The following CNKSR3 variants were observed in gnomAD, a reference collection of about 807,000 sequenced individuals.
The protein encoded by CNKSR3 is connector enhancer of kinase suppressor of ras 3.
CNKSR3 carries 36 observed loss-of-function variants against 67.7 expected under a neutral mutation model. The ratio of observed to expected loss-of-function variants is 0.53; its 90% CI spans 0.41 to 0.70. The LOEUF (loss-of-function observed/expected upper bound fraction) is 0.70, where lower values mean the gene tolerates loss of function less well. CNKSR3 is among the 30% of genes least tolerant of loss of function. The probability of loss-of-function intolerance (pLI) is 0.00; values close to 1 mark genes in which losing one functional copy is unlikely to be tolerated. For synonymous variants in CNKSR3, 281 were observed against 271.4 expected (o/e 1.04, Z -0.35); for missense variants, 630 against 695.2 (o/e 0.91, Z 1.05).
intron 2 of CNKSR3, among the ~76,000 whole-genome samples, chr6:154,443,520 T>C (rs56228662): frequency 0.084 from 12,755 of 151,906 alleles, 969 homozygotes; most frequent in East Asian, 0.2. Context: ...ACCGTGTTTG[T>C]GGCCTTCTTC....
At chr6:154,410,548 A>G (rs999515265) in intron 11 of CNKSR3, 116 bp from the exon 12 acceptor site, 1 of 655,850 alleles carries the variant, frequency 1.5e-6, no homozygotes, top group South Asian at 1.9e-5. Context: ...GACAGAAGCA[A>G]TAACAAATTT....
At chr6:154,471,324 G>C (rs1786326399) in intron 1 of CNKSR3, among the ~76,000 whole-genome samples, 1 of 152,126 alleles carries the variant, frequency 6.6e-6, no homozygotes, top group Non-Finnish European at 1.5e-5. Context: ...GATCGCTTGA[G>C]GTCAAGAGTT....
At chr6:154,462,434 G>C (rs1786100064) in intron 1 of CNKSR3, among the ~76,000 whole-genome samples, 1 of 152,146 alleles carries the variant, frequency 6.6e-6, no homozygotes, top group South Asian at 2.1e-4. Context: ...TTGTGTGATT[G>C]GCTTCTTTCA....
At chr6:154,450,052 A>C in intron 2 of CNKSR3, 43 bp downstream of exon 2, 1 of 1,574,402 alleles carries the variant, frequency 6.4e-7, no homozygotes, top group Non-Finnish European at 8.6e-7. Flanking sequence ...GCAAGGCTCT[A>C]AAGAACGTCA....
chr6:154,430,626 A>G (rs1381568164), intron 5 of CNKSR3, 35 bp from the exon 6 acceptor site: 1 of 1,583,472 alleles, frequency 6.3e-7, no homozygotes, highest in Admixed American at 1.9e-5. Context: ...AGGAAAGTTC[A>G]ATCATTAACC....
intron 12 of CNKSR3, among the ~76,000 whole-genome samples, chr6:154,407,963 G>A (rs927641233): frequency 6.7e-6 from 1 of 150,042 alleles, no homozygotes; most frequent in South Asian, 2.1e-4. Flanking sequence ...TTCTAATACG[G>A]CTATATTCTT....
In CNKSR3 at chr6:154,388,943, T is replaced by G. The variant is rs925204303; in HGVS notation, c.*17411A>C. 2.3e-4 allele frequency: 9 copies of G among 39,592 alleles called. No individual in the cohort carries two copies. Among genetic ancestry groups the G allele is most frequent in the African/African-American group, 1.1e-3 (9 of 8,208 alleles). The allele number at this position is 39,592 out of a possible 1,614,324, so 2.5% of individuals were successfully genotyped here. A position where few individuals can be genotyped will look rare whatever the true frequency, so the allele number is the denominator to read the frequency against. On this transcript the variant is annotated 3_prime_UTR_variant, in exon 13 of 13. Coordinates refer to ENST00000607772, the MANE Select transcript of CNKSR3 (RefSeq NM_173515.4). ...CCTTGGCCCATTTGTAAAAATTGGG[T>G]TTTTTTTTTTTTGCTATTGAGTTAT...
At chr6:154,494,727 C>T (rs1786844013) in intron 1 of CNKSR3, among the ~76,000 whole-genome samples, 1 of 152,044 alleles carries the variant, frequency 6.6e-6, no homozygotes, top group Non-Finnish European at 1.5e-5. Flanking sequence ...CAGCACCAAA[C>T]CTTGAAGAGC....
intron 1 of CNKSR3, among the ~76,000 whole-genome samples, chr6:154,465,034 G>T (rs1786165252): frequency 1.3e-5 from 2 of 151,738 alleles, no homozygotes; most frequent in South Asian, 4.2e-4. Flanking sequence ...CCAGCTACTC[G>T]GGAGGCTGAG....
At chr6:154,426,502 C>T (rs927548811) in intron 7 of CNKSR3, among the ~76,000 whole-genome samples, 2 of 152,040 alleles carry the variant, frequency 1.3e-5, no homozygotes, top group Admixed American at 1.3e-4. Context: ...ATTACAGATG[C>T]GTGCCACCAC....
chr6:154,436,712 T>C (rs773598300), intron 4 of CNKSR3, among the ~76,000 whole-genome samples: 43 of 152,068 alleles, frequency 2.8e-4, no homozygotes, highest in Admixed American at 7.9e-4. Flanking sequence ...GTGTCTCTCT[T>C]GCCGTCTCTA....
intron 1 of CNKSR3, among the ~76,000 whole-genome samples, chr6:154,486,616 C>T (rs1786672150): frequency 6.7e-6 from 1 of 150,250 alleles, no homozygotes; most frequent in Non-Finnish European, 1.5e-5. Context: ...CCTCAGCCTC[C>T]CAAGTAGCTG....
intron 1 of CNKSR3, among the ~76,000 whole-genome samples, chr6:154,472,240 A>T (rs1786345328): frequency 6.6e-6 from 1 of 152,174 alleles, no homozygotes; most frequent in Non-Finnish European, 1.5e-5. Flanking sequence ...CCAGCCCAAC[A>T]CACGTACTAT....
chr6:154,483,001 G>A (rs747762107), intron 1 of CNKSR3, among the ~76,000 whole-genome samples: 2 of 152,150 alleles, frequency 1.3e-5, no homozygotes, highest in Non-Finnish European at 2.9e-5. Flanking sequence ...TTCATTATCT[G>A]TTTCCTCCAA....
rs1370357949 is a variant in CNKSR3 at position 154,510,140 on chromosome 6, G to T, written c.-26C>A. 1.2e-6 allele frequency: 2 copies of T among 1,613,748 alleles called. No individual in the cohort carries two copies. The highest frequency in any genetic ancestry group is 1.7e-6 in the Non-Finnish European group (2 of 1,179,826). On this transcript the variant is annotated 5_prime_UTR_variant, in exon 1 of 13. Coordinates refer to ENST00000607772, the MANE Select transcript of CNKSR3 (RefSeq NM_173515.4). The stretch of plus-strand genomic sequence containing the variant: ...GGTAAACCGCTTCGCCTCTCGCTGG[G>T]CTGGAGAGTCGCAGATAAAGTGCTG...
intron 9 of CNKSR3, among the ~76,000 whole-genome samples, chr6:154,421,880 C>G (rs1434723401): frequency 6.6e-6 from 1 of 152,134 alleles, no homozygotes; most frequent in Non-Finnish European, 1.5e-5. Context: ...ATGAAAATGT[C>G]CGTATCCACA....
chr6:154,503,860 C>G (rs1445317096), intron 1 of CNKSR3, among the ~76,000 whole-genome samples: 2 of 152,168 alleles, frequency 1.3e-5, no homozygotes, highest in African/African-American at 4.8e-5. Context: ...AATAAAACAG[C>G]TGGAGTACAT....
At chr6:154,479,474 A>C (rs1247355474) in intron 1 of CNKSR3, among the ~76,000 whole-genome samples, 1 of 152,200 alleles carries the variant, frequency 6.6e-6, no homozygotes, top group Non-Finnish European at 1.5e-5. Flanking sequence ...TAAAAATAAC[A>C]AAGAAAGAGC....
rs1784731227 is a variant in CNKSR3, at chr6:154,402,706, C to A, written c.*3648G>T. 6.6e-6 allele frequency: 1 copy of A among 152,152 alleles called. No homozygotes were observed. The highest frequency in any genetic ancestry group is 1.5e-5 in the Non-Finnish European group (1 of 68,034). 9.4% of individuals were successfully genotyped at this position (152,152 alleles called of 1,614,324 possible). Reference sequence around the variant, plus strand: ...GTGAAGCCATTACAGACTAGGTATGCCTAGAACTTTATCTAAAGAATTGGC... The same window carrying A: ...GTGAAGCCATTACAGACTAGGTATGACTAGAACTTTATCTAAAGAATTGGC... On this transcript the variant is annotated 3_prime_UTR_variant, in exon 13 of 13. Coordinates refer to ENST00000607772, the MANE Select transcript of CNKSR3 (RefSeq NM_173515.4).
Sources: gnomAD v4.1 joint callset for allele counts (sites outside exome capture counted in the v4.1 genomes callset) on GRCh38, gnomAD v4.1.1 for gene constraint, MANE v1.5 for transcripts, NCBI Gene and HGNC (gene_info 2026-07-23, HGNC 2026-07-21) for gene names.